The following MCF2L variants were observed in gnomAD, a reference collection of about 807,000 sequenced individuals.
MCF2L encodes guanine nucleotide exchange factor DBS.
MCF2L carries 97 observed loss-of-function variants against 153.4 expected under a neutral mutation model. That is an observed-to-expected ratio of 0.63 (90% CI 0.54 to 0.75). The LOEUF is 0.75. Among genes scored for constraint, MCF2L ranks in the 30% least tolerant of loss-of-function variants. The pLI is 0.00. For synonymous variants in MCF2L, 659 were observed against 632.2 expected, an observed-to-expected ratio of 1.04 and a Z score of -0.64; for missense variants, 1,347 against 1,495.2, an observed-to-expected ratio of 0.90 and a Z score of 1.64.
intron 1 of MCF2L, among the ~76,000 whole-genome samples, chr13:112,895,986 G>A (rs1457037370): frequency 6.6e-6 from 1 of 152,196 alleles, no homozygotes; most frequent in South Asian, 2.1e-4. Flanking sequence ...CTCCCCTGGG[G>A]GCCTGACAGA....
rs777875371 is a variant in MCF2L at position 113,082,496 on chromosome 13, G to A, written c.1945G>A (p.Asp649Asn). ...GTCAACAGGCCTTCACAACAAGAAG[G>A]ATGTTTTGTTTGGAAACATGGAGGA... ...LLSTGLHNKKDVLFGNMEEIY... is the reference protein window; with the variant it reads ...LLSTGLHNKKNVLFGNMEEIY... The change falls in exon 17 of 30, where the codon GAT becomes AAT. Residue 649 changes from aspartate to asparagine, a missense_variant. Around this residue, in one of 3 missense-constraint regions of MCF2L, gnomAD observed 820 missense variants for 921.2 expected, o/e 0.89. Coordinates refer to ENST00000535094, the MANE Select transcript of MCF2L (RefSeq NM_001112732.3). 5.0e-6 allele frequency: 8 copies of A among 1,613,910 alleles called. No individual in the cohort carries two copies. The African/African-American group carries it at 6.7e-5, about 13-fold the overall frequency.
In MCF2L at chr13:113,084,001, A is replaced by G. The variant is rs772659493; in HGVS notation, c.1995A>G (p.Ile665Met). The change falls in exon 18 of 30, where the codon ATA (isoleucine) becomes ATG (methionine). Residue 665 changes from isoleucine to methionine, a missense_variant. Physicochemically the swap from Ile to Met is conservative, Grantham distance 10. Coordinates refer to ENST00000535094, the MANE Select transcript of MCF2L (RefSeq NM_001112732.3). ...MEEIYHFHNR[I>M]FLRELENYTD... Reference sequence around the variant, plus strand: ...CTTAAAAACCTTCTTTGTCTAGGATATTCCTCAGGGAGCTGGAAAACTACA... The same window carrying G: ...CTTAAAAACCTTCTTTGTCTAGGATGTTCCTCAGGGAGCTGGAAAACTACA... 40 of 1,613,230 alleles carry G rather than the reference A, an allele frequency of 2.5e-5. No individual in the cohort carries two copies. Among genetic ancestry groups the G allele is most frequent in the Non-Finnish European group, 3.3e-5 (39 of 1,179,288 alleles).
intron 3 of MCF2L, among the ~76,000 whole-genome samples, chr13:113,029,171 C>G (rs1281356070): frequency 6.6e-6 from 1 of 152,184 alleles, no homozygotes; most frequent in Non-Finnish European, 1.5e-5. Flanking sequence ...ATCAGAAGGA[C>G]CCACAGAAGG....
At chr13:113,078,998 A>G (rs1303423577) in intron 15 of MCF2L, among the ~76,000 whole-genome samples, 1 of 152,236 alleles carries the variant, frequency 6.6e-6, no homozygotes, top group East Asian at 1.9e-4. Flanking sequence ...CGATGGCTGA[A>G]TGCAACAGTG....
chr13:113,060,667 C>T lies in MCF2L; in HGVS notation c.444C>T (p.Asp148=). The change falls in exon 5 of 30, where the codon GAC becomes GAT. Residue 148 remains aspartate (D), a synonymous_variant. Transcript: ENST00000535094. ...PTGFFQRTLS[D]IAFKFNRDDF... ...GTTTTTTCCAAAGGACTCTCTCCGA[C>T]ATCGCTTTCAAATTCAATAGAGATG... 2 of 1,613,738 alleles carry T rather than the reference C, an allele frequency of 1.2e-6. No homozygotes were observed. The highest frequency in any genetic ancestry group is 1.1e-5 in the South Asian group (1 of 91,084).
chr13:113,091,294 C>T (rs1258067413), intron 26 of MCF2L: 8 of 1,051,436 alleles, frequency 7.6e-6, no homozygotes, highest in Non-Finnish European at 9.1e-6. Context: ...AAGGGGGATG[C>T]TCTCGTGGGT....
intron 27 of MCF2L, chr13:113,096,122 G>C: frequency 3.4e-6 from 2 of 580,506 alleles, no homozygotes; most frequent in South Asian, 4.0e-5. Flanking sequence ...GCTGTGTGTG[G>C]AGACCAGCGT....
chr13:112,923,116 C>T, intron 2 of MCF2L, among the ~76,000 whole-genome samples: 1 of 152,106 alleles, frequency 6.6e-6, no homozygotes. Flanking sequence ...CACTCAGATT[C>T]CTCAATATTA....
chr13:113,078,747 C>G lies in MCF2L; in HGVS notation c.1808+8C>G, dbSNP rs375705727. 5 of 1,592,274 alleles carry G rather than the reference C, an allele frequency of 3.1e-6. No homozygotes were observed. In the Admixed American group the frequency reaches 8.6e-5, roughly 27 times the overall value. On this transcript the variant is annotated splice_region_variant and intron_variant, in intron 15 of 29. Transcript: ENST00000535094. ...CCTGGCCATCCTGCGCAGGTGGGTG[C>G]GCTGCCCTTCTGTCCTCACAGGGGC...
Position 113,035,718 on chromosome 13 carries a change from A to C in MCF2L, c.279-9553A>C, listed in dbSNP as rs1032193813. Among the ~76,000 whole-genome samples the C allele has an allele frequency of 3.3e-5, 5 of 152,280 alleles. No homozygotes were observed. Among genetic ancestry groups the C allele is most frequent in the African/African-American group, 1.2e-4 (5 of 41,564 alleles). On this transcript the variant is annotated intron_variant, in intron 3 of 29. Coordinates refer to ENST00000535094, the MANE Select transcript of MCF2L (RefSeq NM_001112732.3). The surrounding 1 kb of genome is among the most constrained non-coding windows in gnomAD (Gnocchi z 4.4). ...AAGCTCCTTGGAGGATGGAGATTTT[A>C]AGGTCTTACTGTGGTGTGAGCGATC... is the stretch of plus-strand genomic sequence containing the variant.
intron 16 of MCF2L, 74 bp from the exon 17 acceptor site, chr13:113,082,353 G>A (rs879567619): frequency 4.0e-5 from 34 of 850,278 alleles, no homozygotes; most frequent in East Asian, 7.5e-5. Context: ...CAGATGAGCC[G>A]GCATCCCTGG....
intron 2 of MCF2L, among the ~76,000 whole-genome samples, chr13:112,915,292 C>A (rs1225234556): frequency 1.3e-5 from 2 of 151,468 alleles, no homozygotes; most frequent in Non-Finnish European, 2.9e-5. Context: ...ACCTGTAGTC[C>A]CAGCTACTCA....
At chr13:113,032,456 G>A (rs553175862) in intron 3 of MCF2L, among the ~76,000 whole-genome samples, 12 of 152,272 alleles carry the variant, frequency 7.9e-5, no homozygotes, top group Non-Finnish European at 1.8e-4. Context: ...GTTCATCCAC[G>A]TGTGGTGGGA....
chr13:113,082,351 C>G, intron 16 of MCF2L, 76 bp from the exon 17 acceptor site: 1 of 835,100 alleles, frequency 1.2e-6, no homozygotes. Flanking sequence ...CACAGATGAG[C>G]CGGCATCCCT....
At chr13:113,062,708 G>A (rs7982214) in intron 5 of MCF2L, among the ~76,000 whole-genome samples, 61,993 of 151,758 alleles carry the variant, frequency 0.41, 12,711 homozygotes, top group Middle Eastern at 0.5. Flanking sequence ...CCGTGTGCTG[G>A]ACTCAGCCAT....
intron 2 of MCF2L, among the ~76,000 whole-genome samples, chr13:113,015,153 C>T (rs1021747209): frequency 6.6e-6 from 1 of 152,148 alleles, no homozygotes; most frequent in African/African-American, 2.4e-5. Context: ...TGTGGGTGGC[C>T]GAGCCCATGG....
intron 4 of MCF2L, among the ~76,000 whole-genome samples, chr13:113,047,658 G>A (rs1485838800): frequency 2.0e-5 from 3 of 152,278 alleles, no homozygotes; most frequent in African/African-American, 7.2e-5. Context: ...GGCACTTGCG[G>A]TGTCAGGACG....
intron 1 of MCF2L, among the ~76,000 whole-genome samples, chr13:113,003,312 G>A (rs1035412755): frequency 6.6e-6 from 1 of 150,436 alleles, no homozygotes; most frequent in East Asian, 2.0e-4. Flanking sequence ...GGGGCAGGTG[G>A]CCCCCTGGGT....
chr13:113,078,280 C>T lies in MCF2L; in HGVS notation c.1661-83C>T, dbSNP rs188819593. 6.7e-4 allele frequency: 762 copies of T among 1,137,856 alleles called. 1 individual carries two copies. Among genetic ancestry groups the T allele is most frequent in the Non-Finnish European group, 8.7e-4 (662 of 760,168 alleles). 70.5% of individuals were successfully genotyped at this position (1,137,856 alleles called of 1,614,324 possible). On this transcript the variant is annotated intron_variant, in intron 13 of 29. Transcript: ENST00000535094. ...CAGAGGCCGAGTCCTACCCTCTCCT[C>T]GGGGCCTTTTCCCGCTGGGTGCACT...
Sources: gnomAD v4.1 joint callset for allele counts (sites outside exome capture counted in the v4.1 genomes callset) on GRCh38, gnomAD v4.1.1 for gene constraint, gnomAD v4.1.1 regional missense constraint, Gnocchi (gnomAD v3.1) non-coding constraint, MANE v1.5 for transcripts, NCBI Gene and HGNC (gene_info 2026-07-23, HGNC 2026-07-21) for gene names.